Variants in COL19A1 observed in about 807,000 individuals in gnomAD.
The protein encoded by COL19A1 is collagen type XIX alpha 1 chain.
In COL19A1, 159 loss-of-function variants were observed where a neutral mutation model predicts 190.2. The ratio of observed to expected loss-of-function variants is 0.84; its 90% confidence interval spans 0.73 to 0.95. The LOEUF (loss-of-function observed/expected upper bound fraction) is 0.95, where lower values mean the gene tolerates loss of function less well. COL19A1 is among the 40% of genes least tolerant of loss of function. The probability of loss-of-function intolerance (pLI) is 0.00; values close to 1 mark genes in which losing one functional copy is unlikely to be tolerated. For synonymous variants in COL19A1, 509 were observed against 458.9 expected (o/e 1.11, Z -1.39); for missense variants, 1,418 against 1,431.9 (o/e 0.99, Z 0.16).
intron 11 of COL19A1, among the ~76,000 whole-genome samples, chr6:69,977,625 T>G (rs1289778394): frequency 1.3e-5 from 2 of 152,050 alleles, no homozygotes; most frequent in Non-Finnish European, 2.9e-5. Flanking sequence ...GGTAACAATT[T>G]AATTAAACTT....
chr6:69,964,854 AATTAC>A (rs2150048747), intron 11 of COL19A1, among the ~76,000 whole-genome samples: 1 of 152,318 alleles, frequency 6.6e-6, no homozygotes, highest in African/African-American at 2.4e-5. Context: ...GTGCAAAAGT[AATTAC>A]ATTACACCAA....
chr6:70,025,373 T>G (rs1367548635), intron 12 of COL19A1, among the ~76,000 whole-genome samples: 4 of 152,240 alleles, frequency 2.6e-5, no homozygotes, highest in Admixed American at 2.0e-4. Flanking sequence ...TTATGTGCTA[T>G]GATTTTATGC....
rs1676399081 is a variant in COL19A1, at chr6:70,180,490, T to A, written c.2742T>A (p.Gly914=). The A allele has an allele frequency of 6.8e-6, 11 of 1,613,974 alleles. No homozygotes were observed. Among genetic ancestry groups the A allele is most frequent in the African/African-American group, 1.3e-5 (1 of 74,904 alleles). The change falls in exon 44 of 51, where the codon GGT becomes GGA. Residue 914 remains glycine, a synonymous_variant. Coordinates refer to ENST00000620364, the MANE Select transcript of COL19A1 (RefSeq NM_001858.6). ...AGAGAGGACCTGTTGGAGATATAGG[T>A]TTCCCTGGACCAGAAGGACCCTCAG... ...PGERGPVGDI[G]FPGPEGPSGK... is the part of the protein sequence containing the mutation.
intron 15 of COL19A1, among the ~76,000 whole-genome samples, chr6:70,068,821 G>C (rs1335190222): frequency 1.3e-5 from 2 of 152,074 alleles, no homozygotes; most frequent in Admixed American, 6.6e-5. Context: ...AAAGGTTGTG[G>C]ATATTAACTA....
At position 70,149,794 on chromosome 6, in the gene COL19A1, G is replaced by C. The variant is rs970688325; in HGVS notation, c.1929+55G>C. 4.6e-5 allele frequency: 75 copies of C among 1,613,228 alleles called. No individual in the cohort carries two copies. In the South Asian group the frequency reaches 8.2e-4, roughly 18 times the overall value. Reference sequence around the variant, plus strand: ...GCAAAGCCAGCTTGCTTACTTGGGGGAAATGACTGAAAGACCATCCTCATA... The same window carrying C: ...GCAAAGCCAGCTTGCTTACTTGGGGCAAATGACTGAAAGACCATCCTCATA... On this transcript the variant is annotated intron_variant, in intron 28 of 50. Coordinates refer to ENST00000620364, the MANE Select transcript of COL19A1 (RefSeq NM_001858.6).
intron 16 of COL19A1, among the ~76,000 whole-genome samples, chr6:70,109,006 A>T (rs992205678): frequency 3.3e-5 from 5 of 152,172 alleles, no homozygotes; most frequent in African/African-American, 1.2e-4. Flanking sequence ...TCACTATTAC[A>T]AACATTGAAT....
intron 4 of COL19A1, among the ~76,000 whole-genome samples, chr6:69,917,499 C>T (rs992712459): frequency 2.0e-5 from 3 of 152,160 alleles, no homozygotes; most frequent in African/African-American, 7.2e-5. Flanking sequence ...TGATTTACAG[C>T]CACAAGTCTT....
chr6:70,005,903 A>T (rs1582665685), intron 11 of COL19A1, among the ~76,000 whole-genome samples: 1 of 152,132 alleles, frequency 6.6e-6, no homozygotes, highest in Non-Finnish European at 1.5e-5. Context: ...GTGAGGAAGG[A>T]TGAGTCAGAG....
intron 2 of COL19A1, among the ~76,000 whole-genome samples, chr6:69,886,529 C>T (rs1423611907): frequency 6.6e-6 from 1 of 152,092 alleles, no homozygotes; most frequent in East Asian, 1.9e-4. Context: ...ATATCTGCAC[C>T]CCCATATTCA....
At chr6:70,056,257 A>T (rs761688221) in intron 14 of COL19A1, among the ~76,000 whole-genome samples, 1 of 152,132 alleles carries the variant, frequency 6.6e-6, no homozygotes, top group Non-Finnish European at 1.5e-5. Context: ...TTCACACTTG[A>T]TTGATAGTTT....
intron 15 of COL19A1, among the ~76,000 whole-genome samples, chr6:70,078,291 G>A (rs1782013520): frequency 6.6e-6 from 1 of 152,142 alleles, no homozygotes; most frequent in Non-Finnish European, 1.5e-5. Context: ...CATGGAAGTT[G>A]GCTTAAGTCA....
At chr6:70,124,713 G>A (rs958469986) in intron 17 of COL19A1, among the ~76,000 whole-genome samples, 4 of 152,092 alleles carry the variant, frequency 2.6e-5, no homozygotes, top group South Asian at 2.1e-4. Context: ...TTTAGTCCAC[G>A]TGTTCTCTAA....
At chr6:70,148,077 G>A (rs1445771996) in intron 27 of COL19A1, among the ~76,000 whole-genome samples, 1 of 152,116 alleles carries the variant, frequency 6.6e-6, no homozygotes, top group Admixed American at 6.5e-5. Flanking sequence ...CCTGGCACAT[G>A]GGTGTTTTCG....
chr6:70,058,273 C>T (rs932683827), intron 14 of COL19A1, among the ~76,000 whole-genome samples: 1 of 151,962 alleles, frequency 6.6e-6, no homozygotes, highest in Non-Finnish European at 1.5e-5. Context: ...GAAATGATTC[C>T]AGGTCTCCAT....
intron 41 of COL19A1, among the ~76,000 whole-genome samples, chr6:70,175,366 T>G (rs1269317619): frequency 2.0e-5 from 3 of 152,132 alleles, no homozygotes. Context: ...ACTTCTACTT[T>G]TATTTTCAAC....
chr6:70,189,319 C>T (rs1766714812), intron 47 of COL19A1, among the ~76,000 whole-genome samples: 2 of 152,110 alleles, frequency 1.3e-5, no homozygotes, highest in Admixed American at 6.5e-5. Flanking sequence ...TAAATTAAGG[C>T]TCACTATCTA....
chr6:70,186,594 T>C (rs540194171), intron 46 of COL19A1, among the ~76,000 whole-genome samples: 7 of 152,306 alleles, frequency 4.6e-5, no homozygotes, highest in Non-Finnish European at 1.0e-4. Flanking sequence ...AAAAGAATAA[T>C]ATAATGAGAT....
intron 49 of COL19A1, among the ~76,000 whole-genome samples, chr6:70,206,039 T>C (rs1767827770): frequency 2.0e-5 from 3 of 152,216 alleles, no homozygotes; most frequent in African/African-American, 4.8e-5. Flanking sequence ...AACACAGACC[T>C]GACTTTTTAG....
intron 17 of COL19A1, among the ~76,000 whole-genome samples, chr6:70,129,679 C>A (rs764000744): frequency 6.6e-6 from 1 of 152,308 alleles, no homozygotes; most frequent in Middle Eastern, 3.4e-3. Context: ...ACTGAGACAC[C>A]ATTCTCCACA....
Sources: gnomAD v4.1 joint callset for allele counts (sites outside exome capture counted in the v4.1 genomes callset) on GRCh38, gnomAD v4.1.1 for gene constraint, MANE v1.5 for transcripts, NCBI Gene and HGNC (gene_info 2026-07-23, HGNC 2026-07-21) for gene names.